Variants in KCNMA1 observed in about 807,000 individuals in gnomAD.
The protein encoded by KCNMA1 is Calcium-activated potassium channel subunit alpha-1.
KCNMA1 carries 29 observed loss-of-function variants against 140.0 expected under a neutral mutation model. The ratio of observed to expected loss-of-function variants is 0.21; its 90% CI spans 0.15 to 0.28. The LOEUF (loss-of-function observed/expected upper bound fraction) is 0.28, where lower values mean the gene tolerates loss of function less well. Among genes scored for constraint, KCNMA1 ranks in the 10% least tolerant of loss-of-function variants. The pLI is 1.00. For missense variants in KCNMA1, 880 were observed against 1,602.2 expected (o/e 0.55, Z 7.70); for synonymous variants, 612 against 611.9 (o/e 1.00, Z 0.00).
chr10:77,230,370 G>A (rs1289309316), intron 3 of KCNMA1, among the ~76,000 whole-genome samples: 2 of 152,170 alleles, frequency 1.3e-5, no homozygotes, highest in African/African-American at 4.8e-5. Context: ...AGAAGTGATG[G>A]TTGCATAACA....
intron 23 of KCNMA1, among the ~76,000 whole-genome samples, chr10:76,944,035 G>A (rs974056313): frequency 2.0e-5 from 3 of 152,142 alleles, no homozygotes; most frequent in African/African-American, 4.8e-5. Context: ...CTACACGGAG[G>A]TGTCACTCAA....
At chr10:77,153,004 G>A (rs751932027) in intron 5 of KCNMA1, among the ~76,000 whole-genome samples, 5 of 152,134 alleles carry the variant, frequency 3.3e-5, no homozygotes, top group Admixed American at 2.6e-4. Flanking sequence ...CATGCATCAG[G>A]TAGAATACAG....
At chr10:77,126,997 C>T (rs1301809093) in intron 5 of KCNMA1, among the ~76,000 whole-genome samples, 2 of 151,300 alleles carry the variant, frequency 1.3e-5, no homozygotes, top group African/African-American at 4.9e-5. Context: ...TGAAGAATTA[C>T]AATAGCGTAG....
chr10:77,147,154 G>A (rs1046465243), intron 5 of KCNMA1, among the ~76,000 whole-genome samples: 1 of 152,204 alleles, frequency 6.6e-6, no homozygotes, highest in African/African-American at 2.4e-5. Context: ...ACTTGAAACA[G>A]GGAACATAAA....
At chr10:77,345,046 G>T (rs1160279943) in intron 2 of KCNMA1, among the ~76,000 whole-genome samples, 1 of 152,180 alleles carries the variant, frequency 6.6e-6, no homozygotes, top group Non-Finnish European at 1.5e-5. Flanking sequence ...ACTTGCTCAA[G>T]GTTATACAGA....
intron 2 of KCNMA1, among the ~76,000 whole-genome samples, chr10:77,306,278 T>G (rs1049927199): frequency 4.6e-5 from 7 of 152,160 alleles, no homozygotes; most frequent in African/African-American, 1.7e-4. Context: ...ACTACATGGA[T>G]AACACATGGG....
At chr10:77,170,739 C>A (rs1353420388) in intron 5 of KCNMA1, among the ~76,000 whole-genome samples, 1 of 152,126 alleles carries the variant, frequency 6.6e-6, no homozygotes, top group Non-Finnish European at 1.5e-5. Flanking sequence ...CGATATCAAC[C>A]AAATTGGCTC....
intron 3 of KCNMA1, among the ~76,000 whole-genome samples, chr10:77,239,397 T>G (rs953827101): frequency 6.6e-6 from 1 of 152,048 alleles, no homozygotes; most frequent in Non-Finnish European, 1.5e-5. Flanking sequence ...GGGTAGCGGG[T>G]GTATGGAAAT....
chr10:77,360,087 T>C (rs536391049), intron 2 of KCNMA1, among the ~76,000 whole-genome samples: 27 of 152,332 alleles, frequency 1.8e-4, no homozygotes, highest in Non-Finnish European at 3.7e-4. Context: ...ATTACACTAG[T>C]GATAGTTTAA....
intron 25 of KCNMA1, among the ~76,000 whole-genome samples, chr10:76,905,575 C>T (rs147888189): frequency 1.4e-3 from 207 of 152,338 alleles, no homozygotes; most frequent in African/African-American, 4.6e-3. Flanking sequence ...CTCCAACAAA[C>T]CAAACCCAGC....
At chr10:77,509,865 C>T (rs1310697929) in intron 1 of KCNMA1, among the ~76,000 whole-genome samples, 1 of 152,136 alleles carries the variant, frequency 6.6e-6, no homozygotes, top group Non-Finnish European at 1.5e-5. Flanking sequence ...CAGTCCTCCT[C>T]CCACCCTCAG....
At chr10:77,042,026 T>C (rs1368914868) in intron 14 of KCNMA1, among the ~76,000 whole-genome samples, 1 of 152,206 alleles carries the variant, frequency 6.6e-6, no homozygotes, top group Non-Finnish European at 1.5e-5. Context: ...TGTCTGCTTT[T>C]AGCTCAGTCT....
At chr10:77,454,800 A>T (rs1216199736) in intron 1 of KCNMA1, among the ~76,000 whole-genome samples, 1 of 152,210 alleles carries the variant, frequency 6.6e-6, no homozygotes, top group Non-Finnish European at 1.5e-5. Context: ...TAAGGTCTTC[A>T]TATGGACTGC....
At chr10:77,214,854 T>C (rs1159660772) in intron 3 of KCNMA1, among the ~76,000 whole-genome samples, 2 of 152,130 alleles carry the variant, frequency 1.3e-5, no homozygotes, top group African/African-American at 2.4e-5. Context: ...ACTCACCCTC[T>C]AAATGTTGGG....
At position 77,478,842 on chromosome 10, in the gene KCNMA1, A is replaced by G. The variant is rs572290945; in HGVS notation, c.379-74819T>C. On this transcript the variant is annotated intron_variant, in intron 1 of 27. Coordinates refer to ENST00000286628, the MANE Select transcript of KCNMA1 (RefSeq NM_001161352.2). ...AAAGAGGAAAAAGTAAAGAGCAAAT[A>G]TAAGGAAAAGGAGTGAGCATCCATA... 2.3e-4 allele frequency among the ~76,000 whole-genome samples: 35 copies of G among 152,368 alleles called. No individual in the cohort carries two copies. The East Asian group carries it at 5.6e-3, about 24-fold the overall frequency.
intron 25 of KCNMA1, among the ~76,000 whole-genome samples, chr10:76,906,129 T>A (rs2047739415): frequency 6.6e-6 from 1 of 152,220 alleles, no homozygotes; most frequent in Non-Finnish European, 1.5e-5. Context: ...ATCTAAGCCA[T>A]CTGGCGCTTG....
At chr10:77,524,476 G>A (rs550255641) in intron 1 of KCNMA1, among the ~76,000 whole-genome samples, 17 of 152,272 alleles carry the variant, frequency 1.1e-4, no homozygotes, top group African/African-American at 2.9e-4. Flanking sequence ...ATAATAAGAA[G>A]AAGAATATTC....
At chr10:77,604,884 C>T (rs1029297956) in intron 1 of KCNMA1, among the ~76,000 whole-genome samples, 1 of 152,186 alleles carries the variant, frequency 6.6e-6, no homozygotes, top group Admixed American at 6.5e-5. Context: ...TGCCTCCACC[C>T]TCCCCCACCC....
chr10:77,219,682 C>T (rs537488305), intron 3 of KCNMA1, among the ~76,000 whole-genome samples: 86 of 152,218 alleles, frequency 5.6e-4, no homozygotes, highest in African/African-American at 2.0e-3. Flanking sequence ...TGCAGTGGCG[C>T]GATCTTGGCT....
Sources: allele counts gnomAD v4.1 joint callset (sites outside exome capture counted in the v4.1 genomes callset), GRCh38; gene constraint gnomAD v4.1.1; transcripts MANE v1.5; gene names NCBI Gene and HGNC (gene_info 2026-07-23, HGNC 2026-07-21).